NXPE2: variants seen among roughly 807,000 people sequenced by gnomAD.
NXPE2 encodes neurexophilin and PC-esterase domain family member 2.
Under a neutral mutation model 34.4 loss-of-function variants are expected in NXPE2, and 34 were observed. The observed-to-expected ratio is 0.99, with a 90% CI of 0.75 to 1.31. NXPE2 has a LOEUF of 1.31. Among genes scored for constraint, NXPE2 ranks in the 40% most tolerant of loss-of-function variants. The pLI, the probability that NXPE2 is intolerant of heterozygous loss-of-function variation, is 0.00. For synonymous variants in NXPE2, 235 were observed against 231.3 expected (o/e 1.02, Z -0.15); for missense variants, 649 against 672.5 (o/e 0.97, Z 0.39).
chr11:114,675,791 A>G (rs1318102307), upstream of NXPE2, among the ~76,000 whole-genome samples: 6 of 151,986 alleles, frequency 3.9e-5, no homozygotes, highest in African/African-American at 1.4e-4. Flanking sequence ...CAAATAGCCA[A>G]ACCAATCTTG....
chr11:114,688,313 T>C (rs183431627), intron 2 of NXPE2, among the ~76,000 whole-genome samples: 1 of 152,122 alleles, frequency 6.6e-6, no homozygotes, highest in East Asian at 1.9e-4. Context: ...GGATTTTTAT[T>C]GAATGCTTTT....
the NXPE2 span, among the ~76,000 whole-genome samples, chr11:114,732,865 T>G: frequency 6.6e-6 from 1 of 152,186 alleles, no homozygotes; most frequent in South Asian, 2.1e-4. Flanking sequence ...ATGGGCTATC[T>G]GGCCCATCAA....
At chr11:114,613,687 C>T in the NXPE2 span, among the ~76,000 whole-genome samples, 1 of 151,898 alleles carries the variant, frequency 6.6e-6, no homozygotes, top group African/African-American at 2.4e-5. Flanking sequence ...TAAGTGTTGC[C>T]TCGTGGGGAG....
the NXPE2 span, among the ~76,000 whole-genome samples, chr11:114,713,634 C>G: frequency 6.6e-6 from 1 of 152,170 alleles, no homozygotes; most frequent in Non-Finnish European, 1.5e-5. Context: ...GTTCAAACCC[C>G]TGTTGTTCAA....
At chr11:114,505,466 C>A in the NXPE2 span, among the ~76,000 whole-genome samples, 1 of 152,032 alleles carries the variant, frequency 6.6e-6, no homozygotes, top group African/African-American at 2.4e-5. Context: ...ATGTTAAAGG[C>A]AGCCAGAGAG....
At chr11:114,757,475 C>A in the NXPE2 span, among the ~76,000 whole-genome samples, 11 of 152,230 alleles carry the variant, frequency 7.2e-5, no homozygotes, top group African/African-American at 2.6e-4. Context: ...CTCTCAGTGT[C>A]CTCTCTTTCT....
chr11:114,629,094 C>G, the NXPE2 span, among the ~76,000 whole-genome samples: 1 of 152,130 alleles, frequency 6.6e-6, no homozygotes, highest in Admixed American at 6.5e-5. Context: ...ACCAGAGGTA[C>G]AAGGAGGAAC....
At chr11:114,695,868 A>C (rs1004895795) in intron 2 of NXPE2, among the ~76,000 whole-genome samples, 1 of 53,960 alleles carries the variant, frequency 1.9e-5, no homozygotes, top group Non-Finnish European at 4.7e-5. Flanking sequence ...CACACACACA[A>C]TTAGCTGGGT....
chr11:114,602,002 A>T, the NXPE2 span, among the ~76,000 whole-genome samples: 1 of 85,662 alleles, frequency 1.2e-5, no homozygotes, highest in Non-Finnish European at 2.0e-5. Flanking sequence ...AATGTATCTA[A>T]TGTATTATAT....
chr11:114,484,339 C>T, the NXPE2 span, among the ~76,000 whole-genome samples: 1 of 151,988 alleles, frequency 6.6e-6, no homozygotes, highest in Non-Finnish European at 1.5e-5. Flanking sequence ...ATTGCACTTT[C>T]CCTAAGTTTG....
the NXPE2 span, among the ~76,000 whole-genome samples, chr11:114,593,848 A>G: frequency 6.6e-6 from 1 of 152,228 alleles, no homozygotes; most frequent in Non-Finnish European, 1.5e-5. Flanking sequence ...AGTTATAAAA[A>G]GAACAAGATT....
the NXPE2 span, among the ~76,000 whole-genome samples, chr11:114,473,408 A>C: frequency 6.6e-6 from 1 of 152,212 alleles, no homozygotes; most frequent in Admixed American, 6.5e-5. Flanking sequence ...AAATTTCCTT[A>C]CTTCTAGTTC....
the NXPE2 span, among the ~76,000 whole-genome samples, chr11:114,720,554 C>T: frequency 3.9e-5 from 6 of 152,226 alleles, no homozygotes; most frequent in African/African-American, 1.2e-4. Flanking sequence ...TGTGTGGCTG[C>T]TAAACACTTG....
chr11:114,803,229 A>T, the NXPE2 span, among the ~76,000 whole-genome samples: 2 of 152,186 alleles, frequency 1.3e-5, no homozygotes, highest in Non-Finnish European at 2.9e-5. Context: ...ATAATGAAAG[A>T]ATTTATTTCT....
chr11:114,538,020 T>A, the NXPE2 span, among the ~76,000 whole-genome samples: 1 of 152,192 alleles, frequency 6.6e-6, no homozygotes, highest in African/African-American at 2.4e-5. Flanking sequence ...GCTACCTGAC[T>A]TCAAACTATA....
chr11:114,551,125 A>T, the NXPE2 span: 3 of 1,528,888 alleles, frequency 2.0e-6, no homozygotes, highest in Non-Finnish European at 2.6e-6. Context: ...CTGAGAAATT[A>T]TAAAAATCAT....
At chr11:114,687,136 T>A (rs1951062130) in intron 2 of NXPE2, among the ~76,000 whole-genome samples, 2 of 152,128 alleles carry the variant, frequency 1.3e-5, no homozygotes, top group Admixed American at 6.6e-5. Context: ...CAATTTTTAA[T>A]TTTTGTTTTT....
At chr11:114,617,867 T>C in the NXPE2 span, among the ~76,000 whole-genome samples, 6 of 152,092 alleles carry the variant, frequency 3.9e-5, no homozygotes, top group African/African-American at 1.4e-4. Flanking sequence ...TATTGCCTCA[T>C]GGGTAACCAC....
the NXPE2 span, among the ~76,000 whole-genome samples, chr11:114,551,607 T>C: frequency 1.3e-5 from 2 of 152,206 alleles, no homozygotes; most frequent in Non-Finnish European, 2.9e-5. Flanking sequence ...TATGCTCGTA[T>C]TACAAAACAT....
Sources: gnomAD v4.1 joint callset for allele counts (sites outside exome capture counted in the v4.1 genomes callset) on GRCh38, gnomAD v4.1.1 for gene constraint, MANE v1.5 for transcripts, NCBI Gene and HGNC (gene_info 2026-07-23, HGNC 2026-07-21) for gene names.